Variants in MACROD2 observed in about 807,000 individuals in gnomAD.
The protein encoded by MACROD2 is mono-ADP ribosylhydrolase 2.
A neutral mutation model predicts 70.4 loss-of-function variants in MACROD2; 36 were observed. The ratio of observed to expected loss-of-function variants is 0.51; its 90% CI spans 0.39 to 0.68. The LOEUF is 0.68. MACROD2 is among the 30% of genes least tolerant of loss of function. The probability of loss-of-function intolerance (pLI) is 0.00; values close to 1 mark genes in which losing one functional copy is unlikely to be tolerated. For missense variants in MACROD2, 496 were observed against 538.4 expected, an observed-to-expected ratio of 0.92 and a Z score of 0.78; for synonymous variants, 172 against 178.8, an observed-to-expected ratio of 0.96 and a Z score of 0.30.
intron 8 of MACROD2, among the ~76,000 whole-genome samples, chr20:15,664,004 C>T (rs2049861112): frequency 6.6e-6 from 1 of 152,202 alleles, no homozygotes; most frequent in Non-Finnish European, 1.5e-5. Flanking sequence ...ATGTAACTCA[C>T]AGTCTGCAAT....
chr20:15,462,095 T>C (rs2046827311), intron 7 of MACROD2, among the ~76,000 whole-genome samples: 1 of 152,218 alleles, frequency 6.6e-6, no homozygotes, highest in South Asian at 2.1e-4. Context: ...GAAAATTATA[T>C]GTCTGTAAGA....
intron 7 of MACROD2, among the ~76,000 whole-genome samples, chr20:15,479,471 A>G (rs976324707): frequency 9.3e-5 from 14 of 150,910 alleles, no homozygotes; most frequent in Non-Finnish European, 1.9e-4. Context: ...ACGGGGTTTC[A>G]CCGTTTTTAG....
chr20:14,048,593 C>G (rs1392060104), intron 2 of MACROD2, among the ~76,000 whole-genome samples: 8 of 151,986 alleles, frequency 5.3e-5, no homozygotes, highest in Non-Finnish European at 7.4e-5. Context: ...TATTCCTTCA[C>G]GATAAAGGCA....
chr20:15,100,590 T>C (rs1235879757), intron 5 of MACROD2, among the ~76,000 whole-genome samples: 1 of 152,198 alleles, frequency 6.6e-6, no homozygotes, highest in Non-Finnish European at 1.5e-5. Flanking sequence ...AAATTCTTCA[T>C]CTAACAAATG....
rs146350907 is a variant in MACROD2, at chr20:14,196,074, C to T, written c.271+110346C>T. Among the ~76,000 whole-genome samples, 397 of 152,246 alleles carry T rather than the reference C, an allele frequency of 2.6e-3. 1 individual carries two copies. The highest frequency in any genetic ancestry group is 4.9e-3 in the Admixed American group (75 of 15,294). On this transcript the variant is annotated intron_variant, in intron 3 of 17. Transcript: ENST00000684519. ...ACTGCTGGGGGTCGGATCCCCACAG[C>T]CTGCCCGTCTGTATGCTCCCCTAGA...
chr20:15,895,325 CTG>C (rs1286308303), intron 10 of MACROD2, among the ~76,000 whole-genome samples: 1 of 152,146 alleles, frequency 6.6e-6, no homozygotes, highest in Admixed American at 6.5e-5. Flanking sequence ...AATGTGGTAA[CTG>C]GATTTGCTAG....
intron 4 of MACROD2, among the ~76,000 whole-genome samples, chr20:14,545,334 C>G (rs1050687583): frequency 1.3e-5 from 2 of 152,116 alleles, no homozygotes; most frequent in African/African-American, 2.4e-5. Flanking sequence ...AGTTTTCATT[C>G]CTCTGAACTC....
chr20:15,247,346 G>A (rs1259986338), intron 6 of MACROD2, among the ~76,000 whole-genome samples: 3 of 152,140 alleles, frequency 2.0e-5, no homozygotes, highest in South Asian at 2.1e-4. Context: ...CTCAGTGTAC[G>A]CAACTTGATA....
chr20:15,492,222 A>T (rs1568846102), intron 7 of MACROD2, among the ~76,000 whole-genome samples: 1 of 152,076 alleles, frequency 6.6e-6, no homozygotes, highest in East Asian at 1.9e-4. Context: ...CTCTCAAGTA[A>T]TTTGATTTCA....
At chr20:14,073,676 T>G (rs572645094) in intron 2 of MACROD2, among the ~76,000 whole-genome samples, 1 of 152,274 alleles carries the variant, frequency 6.6e-6, no homozygotes, top group South Asian at 2.1e-4. Context: ...ACCCACTAAT[T>G]TCTTGGAGTG....
chr20:15,870,445 A>G (rs1386798780), intron 9 of MACROD2, among the ~76,000 whole-genome samples: 1 of 152,152 alleles, frequency 6.6e-6, no homozygotes, highest in African/African-American at 2.4e-5. Flanking sequence ...TGGAATGTGT[A>G]TCTCCTCCAA....
intron 3 of MACROD2, among the ~76,000 whole-genome samples, chr20:14,266,421 T>G (rs1328254281): frequency 6.6e-6 from 1 of 152,194 alleles, no homozygotes; most frequent in Non-Finnish European, 1.5e-5. Flanking sequence ...CTGCCTCTTT[T>G]CTTAGACTCA....
At chr20:14,620,526 C>T (rs1983768301) in intron 4 of MACROD2, among the ~76,000 whole-genome samples, 1 of 152,020 alleles carries the variant, frequency 6.6e-6, no homozygotes. Context: ...TATATCTCCT[C>T]AAATTTAATG....
intron 5 of MACROD2, chr20:14,935,098 T>A (rs1184024778): frequency 6.6e-6 from 1 of 151,118 alleles, no homozygotes; most frequent in Non-Finnish European, 1.5e-5. Context: ...AGACAGATAT[T>A]TGACACAGTT....
rs2077164272 is a variant in MACROD2, at chr20:15,252,482, G to T, written c.540+22421G>T. ...AGAGCTGTCTCTCTCTGGAACTGTT[G>T]CTTGTCACAACAGTGAGAGAGAGAA... On this transcript the variant is annotated intron_variant, in intron 6 of 17. Coordinates refer to ENST00000684519, the MANE Select transcript of MACROD2 (RefSeq NM_001351661.2). Among the ~76,000 whole-genome samples, 5 of 152,280 alleles carry T rather than the reference G, an allele frequency of 3.3e-5. No individual in the cohort carries two copies. In the South Asian group the frequency reaches 1.0e-3, roughly 32 times the overall value.
intron 3 of MACROD2, among the ~76,000 whole-genome samples, chr20:14,348,232 G>A (rs997361052): frequency 1.0e-4 from 15 of 145,528 alleles, no homozygotes; most frequent in African/African-American, 3.8e-4. Flanking sequence ...TTGTGCCATT[G>A]CACTCCAACC....
chr20:15,352,975 C>G (rs1184261387), intron 6 of MACROD2, among the ~76,000 whole-genome samples: 1 of 151,832 alleles, frequency 6.6e-6, no homozygotes, highest in Non-Finnish European at 1.5e-5. Context: ...CTACCAATGA[C>G]TTTCTTCACA....
intron 5 of MACROD2, among the ~76,000 whole-genome samples, chr20:14,747,069 T>G (rs927976392): frequency 1.2e-4 from 19 of 152,172 alleles, no homozygotes; most frequent in African/African-American, 4.1e-4. Context: ...ATATGTCCAG[T>G]CCTCATGCTG....
intron 8 of MACROD2, among the ~76,000 whole-genome samples, chr20:15,519,453 A>C: frequency 6.6e-6 from 1 of 152,128 alleles, no homozygotes; most frequent in South Asian, 2.1e-4. Flanking sequence ...AAATGAGGAA[A>C]CTGAGGCAGA....
Sources: allele counts gnomAD v4.1 joint callset (sites outside exome capture counted in the v4.1 genomes callset), GRCh38; gene constraint gnomAD v4.1.1; transcripts MANE v1.5; gene names NCBI Gene and HGNC (gene_info 2026-07-23, HGNC 2026-07-21).